The following SCTR variants were observed in gnomAD, a reference collection of about 807,000 sequenced individuals.
The protein encoded by SCTR is pancreatic secretin receptor.
Under a neutral mutation model 60.8 loss-of-function variants are expected in SCTR, and 56 were observed. The ratio of observed to expected loss-of-function variants is 0.92; its 90% CI spans 0.74 to 1.15. The LOEUF is 1.15. SCTR is among the 50% of genes most tolerant of loss of function. SCTR has a pLI of 0.00. For synonymous variants in SCTR, 202 were observed against 217.0 expected (o/e 0.93, Z 0.61); for missense variants, 562 against 550.4 (o/e 1.02, Z -0.21).
intron 1 of SCTR, among the ~76,000 whole-genome samples, chr2:119,498,571 C>A (rs1678429471): frequency 1.3e-5 from 2 of 151,870 alleles, no homozygotes; most frequent in Non-Finnish European, 1.5e-5. Flanking sequence ...ATATTTAAGA[C>A]AAGTATATTA....
Position 119,521,550 on chromosome 2 carries a change from AT to A in SCTR, c.72+2604del, listed in dbSNP as rs1679287404. ...GGGTGGGGCCGCAGAGGGGGCTGTG[AT>A]CAGTATTTCTTATAGGGAGGCCTCA... is the stretch of plus-strand genomic sequence containing the variant. On this transcript the variant is annotated intron_variant, in intron 1 of 12. Coordinates refer to ENST00000019103, the MANE Select transcript of SCTR (RefSeq NM_002980.3). Among the ~76,000 whole-genome samples, 4 of 152,196 alleles carry A rather than the reference AT, an allele frequency of 2.6e-5. No homozygotes were observed. In the South Asian group the frequency reaches 8.3e-4, roughly 32 times the overall value.
chr2:119,484,352 A>G (rs919297821), intron 2 of SCTR, among the ~76,000 whole-genome samples: 2 of 152,112 alleles, frequency 1.3e-5, no homozygotes, highest in Non-Finnish European at 2.9e-5. Flanking sequence ...ATGGGATGGA[A>G]GGCTGGGAAG....
intron 2 of SCTR, among the ~76,000 whole-genome samples, chr2:119,482,633 G>A (rs894811284): frequency 7.2e-5 from 11 of 152,194 alleles, no homozygotes; most frequent in Admixed American, 5.2e-4. Flanking sequence ...CCCCAGGGAC[G>A]GCTCCGCCAC....
intron 1 of SCTR, among the ~76,000 whole-genome samples, chr2:119,514,032 T>C (rs1024991327): frequency 2.6e-5 from 4 of 152,244 alleles, no homozygotes; most frequent in African/African-American, 9.6e-5. Flanking sequence ...CTGCAGGGTG[T>C]ATCACCCTTT....
intron 1 of SCTR, among the ~76,000 whole-genome samples, chr2:119,515,649 A>C (rs1330891839): frequency 3.3e-5 from 5 of 152,164 alleles, no homozygotes; most frequent in Non-Finnish European, 5.9e-5. Context: ...CAGGTTCTAC[A>C]GCCTTGGATT....
Position 119,443,893 on chromosome 2 carries a change from G to A in SCTR, c.1141-2294C>T, listed in dbSNP as rs551978363. Among the ~76,000 whole-genome samples the A allele has an allele frequency of 3.9e-5, 6 of 152,282 alleles. No homozygotes were observed. The East Asian group carries it at 1.2e-3, about 29-fold the overall frequency. The stretch of plus-strand genomic sequence containing the variant: ...ATATGACAGTGATGGTGTTATTACA[G>A]TTGTATGTGTTCTTCTTTAAGCCCC... On this transcript the variant is annotated intron_variant, in intron 11 of 12. Transcript: ENST00000019103.
chr2:119,481,798 G>A (rs957190557), intron 2 of SCTR, among the ~76,000 whole-genome samples: 7 of 152,252 alleles, frequency 4.6e-5, no homozygotes, highest in Non-Finnish European at 1.0e-4. Context: ...AGGGACGCCA[G>A]CTGGAACCAC....
chr2:119,474,724 T>C (rs934078356), intron 3 of SCTR, among the ~76,000 whole-genome samples: 3 of 152,196 alleles, frequency 2.0e-5, no homozygotes, highest in Non-Finnish European at 4.4e-5. Flanking sequence ...GCTGCCCATT[T>C]TACAGGACAG....
chr2:119,467,023 G>A (rs999525660), intron 4 of SCTR, among the ~76,000 whole-genome samples: 3 of 152,122 alleles, frequency 2.0e-5, no homozygotes, highest in Non-Finnish European at 4.4e-5. Flanking sequence ...TTATTCAGCA[G>A]CCACTTCACA....
At chr2:119,459,454 G>A (rs1219034392) in intron 7 of SCTR, among the ~76,000 whole-genome samples, 1 of 151,900 alleles carries the variant, frequency 6.6e-6, no homozygotes, top group Non-Finnish European at 1.5e-5. Flanking sequence ...TTTACAGTAG[G>A]GGTGTACCCA....
intron 10 of SCTR, among the ~76,000 whole-genome samples, chr2:119,447,636 A>G (rs1340300644): frequency 6.6e-6 from 1 of 152,186 alleles, no homozygotes; most frequent in African/African-American, 2.4e-5. Context: ...CAGTGGCGCA[A>G]TCGCGGCTCA....
chr2:119,468,178 A>G (rs1465872036), intron 4 of SCTR, among the ~76,000 whole-genome samples: 2 of 152,186 alleles, frequency 1.3e-5, no homozygotes, highest in African/African-American at 4.8e-5. Context: ...TAATTTTTCT[A>G]TACTTCTAAT....
chr2:119,455,453 G>GA (rs1169200748), intron 7 of SCTR, among the ~76,000 whole-genome samples: 2 of 152,174 alleles, frequency 1.3e-5, no homozygotes, highest in African/African-American at 4.8e-5. Context: ...GAACTCAGAG[G>GA]AAACAGACCA....
intron 12 of SCTR, 60 bp downstream of exon 12, chr2:119,441,498 G>T: frequency 7.1e-7 from 1 of 1,406,852 alleles, no homozygotes; most frequent in Non-Finnish European, 1.0e-6. Context: ...AGCTCCTTCT[G>T]ACCCGGAAAC....
chr2:119,450,106 T>TGGAG (rs1194372593), intron 9 of SCTR, among the ~76,000 whole-genome samples: 5 of 124,928 alleles, frequency 4.0e-5, no homozygotes, highest in Non-Finnish European at 3.4e-5. Context: ...AATAAATAAA[T>TGGAG]GGAGGGAGGG....
chr2:119,502,214 T>C (rs1678577131), intron 1 of SCTR, among the ~76,000 whole-genome samples: 1 of 152,126 alleles, frequency 6.6e-6, no homozygotes. Flanking sequence ...ATTGCACCAC[T>C]GCTCTCCAGA....
At chr2:119,490,399 C>G (rs557870302) in intron 2 of SCTR, among the ~76,000 whole-genome samples, 1 of 152,340 alleles carries the variant, frequency 6.6e-6, no homozygotes, top group South Asian at 2.1e-4. Context: ...TCCAGGCTGG[C>G]TCCTGGGTTC....
intron 4 of SCTR, among the ~76,000 whole-genome samples, chr2:119,468,028 CA>C (rs1683910923): frequency 6.6e-6 from 1 of 151,296 alleles, no homozygotes; most frequent in South Asian, 2.1e-4. Flanking sequence ...ATAAAGAAAA[CA>C]AAAAAACTGA....
At chr2:119,448,854 G>A in intron 9 of SCTR, 74 bp from the exon 10 acceptor site, 1 of 792,650 alleles carries the variant, frequency 1.3e-6, no homozygotes, top group South Asian at 1.5e-5. Flanking sequence ...CCTGTCCCCT[G>A]GACCTGAGGG....
Sources: gnomAD v4.1 joint callset for allele counts (sites outside exome capture counted in the v4.1 genomes callset) on GRCh38, gnomAD v4.1.1 for gene constraint, MANE v1.5 for transcripts, NCBI Gene and HGNC (gene_info 2026-07-23, HGNC 2026-07-21) for gene names.